TNS3: variants seen among roughly 807,000 people sequenced by gnomAD.
TNS3 encodes the protein tensin-3.
Under a neutral mutation model 140.9 loss-of-function variants are expected in TNS3, and 45 were observed. The observed-to-expected ratio is 0.32, with a 90% CI of 0.25 to 0.41. The LOEUF is 0.41. Ranked by LOEUF, TNS3 falls within the 10% of genes least tolerant of loss-of-function variation. TNS3 has a pLI of 1.00. For missense variants in TNS3, 1,716 were observed against 1,906.7 expected (o/e 0.90, Z 1.86); for synonymous variants, 815 against 788.4 (o/e 1.03, Z -0.56).
chr7:47,527,590 T>A (rs1224464504), intron 2 of TNS3, among the ~76,000 whole-genome samples: 1 of 152,156 alleles, frequency 6.6e-6, no homozygotes, highest in East Asian at 1.9e-4. Flanking sequence ...CATTCACAGA[T>A]GACCAAGATA....
intron 16 of TNS3, among the ~76,000 whole-genome samples, chr7:47,394,044 C>T (rs1446810195): frequency 6.6e-6 from 1 of 152,228 alleles, no homozygotes; most frequent in Non-Finnish European, 1.5e-5. Flanking sequence ...CAGTCTCCCA[C>T]CTGCTCACAC....
rs78568133 is a variant in TNS3, at chr7:47,323,559, T to C, written c.2651-18556A>G. Reference sequence around the variant, plus strand: ...TCAAATGAGTCAAAGTAAGGGTAAATATAACAGTCCATTCTTCTCATGAGT... The same window carrying C: ...TCAAATGAGTCAAAGTAAGGGTAAACATAACAGTCCATTCTTCTCATGAGT... On this transcript the variant is annotated intron_variant, in intron 20 of 30. Transcript: ENST00000311160. Among the ~76,000 whole-genome samples, 10 of 152,320 alleles carry C rather than the reference T, an allele frequency of 6.6e-5. 1 individual carries two copies. In the Middle Eastern group the frequency reaches 0.01, roughly 155 times the overall value.
At chr7:47,487,781 CTAAGA>C (rs1408024949) in intron 3 of TNS3, among the ~76,000 whole-genome samples, 2 of 152,162 alleles carry the variant, frequency 1.3e-5, no homozygotes, top group Non-Finnish European at 1.5e-5. Context: ...AGTTTTAACT[CTAAGA>C]TAAGTTGCAA....
chr7:47,575,910 T>C (rs1441831863), intron 1 of TNS3, among the ~76,000 whole-genome samples: 1 of 149,106 alleles, frequency 6.7e-6, no homozygotes, highest in African/African-American at 2.5e-5. Flanking sequence ...AGATAAAAAA[T>C]GTGCCTCCCT....
chr7:47,437,450 G>T (rs1795241006), intron 6 of TNS3, 137 bp from the exon 7 acceptor site: 1 of 306,182 alleles, frequency 3.3e-6, no homozygotes, highest in African/African-American at 2.2e-5. Flanking sequence ...CACAAATCAG[G>T]GGGAAAAAAA....
chr7:47,534,824 T>C lies in TNS3; in HGVS notation c.-264-5677A>G, dbSNP rs977597432. ...TAATTATGCAGTTGGTAACACTAGCTAAGTGCTTCTGTGTCATTACCGTAA... is the reference window on the plus strand; with the variant it reads ...TAATTATGCAGTTGGTAACACTAGCCAAGTGCTTCTGTGTCATTACCGTAA... On this transcript the variant is annotated intron_variant, in intron 1 of 30. Transcript: ENST00000311160. Among the ~76,000 whole-genome samples, 7 of 152,268 alleles carry C rather than the reference T, an allele frequency of 4.6e-5. No homozygotes were observed. The South Asian group carries it at 1.5e-3, about 32-fold the overall frequency.
At chr7:47,335,483 T>C (rs1404311103) in intron 20 of TNS3, among the ~76,000 whole-genome samples, 1 of 152,212 alleles carries the variant, frequency 6.6e-6, no homozygotes, top group Non-Finnish European at 1.5e-5. Context: ...ATACCCATCA[T>C]TTTCCTGGAG....
chr7:47,564,341 T>C (rs186794096), intron 1 of TNS3, among the ~76,000 whole-genome samples: 33 of 151,252 alleles, frequency 2.2e-4, no homozygotes, highest in African/African-American at 8.0e-4. Context: ...GCCTTCAGAC[T>C]CCAGACTGCA....
At chr7:47,394,362 C>T (rs1792704059) in intron 16 of TNS3, among the ~76,000 whole-genome samples, 1 of 152,346 alleles carries the variant, frequency 6.6e-6, no homozygotes, top group East Asian at 1.9e-4. Context: ...CTCACCACCA[C>T]GTGGAGACAC....
chr7:47,339,972 T>TATAC (rs1250983767), intron 20 of TNS3, among the ~76,000 whole-genome samples: 1 of 146,420 alleles, frequency 6.8e-6, no homozygotes, highest in Non-Finnish European at 1.5e-5. Flanking sequence ...TATATATATA[T>TATAC]ATATATATGT....
chr7:47,338,154 A>G (rs903957108), intron 20 of TNS3, among the ~76,000 whole-genome samples: 3 of 152,236 alleles, frequency 2.0e-5, no homozygotes, highest in African/African-American at 7.2e-5. Flanking sequence ...AAGTAAAAAG[A>G]GTTCCTGTAC....
chr7:47,297,251 G>T (rs773509287), intron 23 of TNS3, 38 bp from the exon 24 acceptor site: 2 of 1,582,292 alleles, frequency 1.3e-6, no homozygotes, highest in Non-Finnish European at 8.6e-7. Flanking sequence ...AGGTCTGCCG[G>T]GTGGACAAAG....
chr7:47,364,888 G>C (rs1790602927), intron 17 of TNS3, among the ~76,000 whole-genome samples: 1 of 152,110 alleles, frequency 6.6e-6, no homozygotes, highest in Non-Finnish European at 1.5e-5. Flanking sequence ...AAAAGCTCTG[G>C]GGAGACTGGT....
At chr7:47,501,388 A>G (rs901243952) in intron 3 of TNS3, among the ~76,000 whole-genome samples, 2 of 152,148 alleles carry the variant, frequency 1.3e-5, no homozygotes, top group Non-Finnish European at 2.9e-5. Context: ...ACCAGATTCC[A>G]TCCTCCACCA....
intron 2 of TNS3, among the ~76,000 whole-genome samples, chr7:47,516,225 G>A (rs1369568457): frequency 6.6e-6 from 1 of 152,196 alleles, no homozygotes; most frequent in African/African-American, 2.4e-5. Flanking sequence ...AAATCCTAGA[G>A]ATTAACTACT....
chr7:47,354,912 C>T (rs1350167547), intron 17 of TNS3, among the ~76,000 whole-genome samples: 13 of 152,190 alleles, frequency 8.5e-5, no homozygotes, highest in Admixed American at 8.5e-4. Flanking sequence ...GGGCAGTCCC[C>T]ACACCAGGCA....
chr7:47,307,525 G>T (rs1029671879), intron 20 of TNS3, among the ~76,000 whole-genome samples: 2 of 152,228 alleles, frequency 1.3e-5, no homozygotes, highest in Non-Finnish European at 2.9e-5. Context: ...AAGTGTCTAT[G>T]TAACTTTTTA....
At chr7:47,282,711 T>C (rs1216728890) in intron 28 of TNS3, among the ~76,000 whole-genome samples, 1 of 152,156 alleles carries the variant, frequency 6.6e-6, no homozygotes, top group African/African-American at 2.4e-5. Flanking sequence ...TACTGGTCAG[T>C]GTCAGGGGCA....
At chr7:47,437,743 GATAC>G (rs1022959761) in intron 6 of TNS3, among the ~76,000 whole-genome samples, 3 of 68,906 alleles carry the variant, frequency 4.4e-5, no homozygotes, top group African/African-American at 1.9e-4. Context: ...CAACATATAG[GATAC>G]ACACACACAC....
Sources: allele counts gnomAD v4.1 joint callset (sites outside exome capture counted in the v4.1 genomes callset), GRCh38; gene constraint gnomAD v4.1.1; transcripts MANE v1.5; gene names NCBI Gene and HGNC (gene_info 2026-07-23, HGNC 2026-07-21).